SETD1B: variants seen among roughly 807,000 people sequenced by gnomAD.
SETD1B encodes SET domain containing 1B, histone lysine methyltransferase, also known as histone-lysine N-methyltransferase SETD1B.
Under a neutral mutation model 148.0 loss-of-function variants are expected in SETD1B, and 7 were observed. That is an observed-to-expected ratio of 0.05 (90% CI 0.03 to 0.09). The LOEUF is 0.09. Ranked by LOEUF, SETD1B falls within the 10% of genes least tolerant of loss-of-function variation. The pLI, the probability that SETD1B is intolerant of heterozygous loss-of-function variation, is 1.00. For missense variants in SETD1B, 2,155 were observed against 2,729.9 expected (o/e 0.79, Z 4.69); for synonymous variants, 1,361 against 1,186.5 (o/e 1.15, Z -3.02).
rs775461917 is a variant in SETD1B at position 121,830,134 on chromosome 12, C to T, written c.5796C>T (p.His1932=). 7.5e-5 allele frequency: 116 copies of T among 1,551,408 alleles called. No homozygotes were observed. Among genetic ancestry groups the T allele is most frequent in the Non-Finnish European group, 9.8e-5 (112 of 1,146,866 alleles). Residue 1932 remains histidine, a synonymous_variant, in exon 17 of 17, where the codon CAC becomes CAT. Transcript: ENST00000604567. The surrounding 1 kb of genome is among the most constrained non-coding windows in gnomAD (Gnocchi z 5.7). ...QKKIVIYSKQ[H]INVNEEITYD... The stretch of plus-strand genomic sequence containing the variant: ...AGATAGTCATCTACTCGAAGCAGCA[C>T]ATTAACGTCAATGAGGAGATTACCT...
chr12:121,816,279 C>T lies in SETD1B; in HGVS notation c.2716-754C>T, dbSNP rs115442334. 5.3e-3 allele frequency among the ~76,000 whole-genome samples: 805 copies of T among 151,900 alleles called. 16 individuals are homozygous for T. The highest frequency in any genetic ancestry group is 0.019 in the African/African-American group (775 of 41,366). On this transcript the variant is annotated intron_variant, in intron 7 of 16. Coordinates refer to ENST00000604567, the MANE Select transcript of SETD1B (RefSeq NM_001353345.2). Reference sequence around the variant, plus strand: ...CACCCCATTCCCCCCTGCTCCCCTCCCTCGACCGTGGTTATGAGTTTGAGT... The same window carrying T: ...CACCCCATTCCCCCCTGCTCCCCTCTCTCGACCGTGGTTATGAGTTTGAGT...
intron 7 of SETD1B, 30 bp downstream of exon 7, chr12:121,814,960 G>T (rs1876220594): frequency 6.6e-7 from 1 of 1,509,350 alleles, no homozygotes; most frequent in African/African-American, 1.4e-5. Flanking sequence ...GCTCTGCAGG[G>T]TGGCTGTGGA....
the SETD1B span, chr12:121,797,336 C>T: frequency 4.7e-6 from 2 of 425,596 alleles, no homozygotes; most frequent in Admixed American, 5.1e-5. Context: ...CTCTGCAAGC[C>T]CTGGGGCCCA....
upstream of SETD1B, chr12:121,800,720 G>A (rs1875302595): frequency 6.8e-6 from 1 of 148,030 alleles, no homozygotes; most frequent in African/African-American, 2.4e-5. Flanking sequence ...GCGCCCATCA[G>A]GCCGCCGCGC....
upstream of SETD1B, chr12:121,799,736 T>TGGGGGGGGGGGGGGGGGG (rs1459030938): frequency 3.2e-5 from 1 of 30,934 alleles, no homozygotes; most frequent in Non-Finnish European, 6.9e-5. Context: ...GGGGGTGGGG[T>TGGGGGGGGGGGGGGGGGG]GGGGCGGGGC....
At position 121,810,942 on chromosome 12, in the gene SETD1B, G is replaced by A. The variant is rs752922853; in HGVS notation, c.1890+107G>A. 8.2e-6 allele frequency: 11 copies of A among 1,343,536 alleles called. No homozygotes were observed. Among genetic ancestry groups the A allele is most frequent in the Non-Finnish European group, 9.9e-6 (10 of 1,009,924 alleles). The allele number at this position is 1,343,536 out of a possible 1,614,324, so 83.2% of individuals were successfully genotyped here. On this transcript the variant is annotated intron_variant, in intron 6 of 16. Transcript: ENST00000604567. This position sits in a 1 kb window ranked among gnomAD's most constrained non-coding sequence, Gnocchi z 7.6. ...ACTAGCTAAGATGCGGAAGCAATGGGGCTAGGAAAGCCAATATAACAGGTG... is the reference window on the plus strand; with the variant it reads ...ACTAGCTAAGATGCGGAAGCAATGGAGCTAGGAAAGCCAATATAACAGGTG...
chr12:121,816,676 T>C (rs1244897811), intron 7 of SETD1B, among the ~76,000 whole-genome samples: 3 of 152,168 alleles, frequency 2.0e-5, no homozygotes, highest in African/African-American at 7.2e-5. Context: ...TTTTAATGCA[T>C]GGGAAGAGAA....
intron 10 of SETD1B, among the ~76,000 whole-genome samples, chr12:121,818,289 G>A (rs1413017798): frequency 1.3e-5 from 2 of 152,134 alleles, no homozygotes; most frequent in African/African-American, 2.4e-5. Context: ...TTGGCCGGAC[G>A]CAGTGGCTTA....
At chr12:121,793,840 T>G in the SETD1B span, 3 of 464,830 alleles carry the variant, frequency 6.5e-6, no homozygotes, top group Admixed American at 1.3e-4. Context: ...GTCCCAGGGA[T>G]ACTGCAGCAC....
chr12:121,823,652 G>A lies in SETD1B; in HGVS notation c.5073G>A (p.Glu1691=), dbSNP rs2137580972. 2.6e-6 allele frequency: 4 copies of A among 1,551,616 alleles called. No homozygotes were observed. The highest frequency in any genetic ancestry group is 2.4e-5 in the East Asian group (1 of 40,920). ...LYDIWNGGID[E]EDIRFLCVTY... is the part of the protein sequence containing the mutation. ...ACATCTGGAACGGTGGCATCGATGA[G>A]GAGGACATCCGCTTCCTGTGTGTCA... The change falls in exon 12 of 17, where the codon GAG becomes GAA. Residue 1691 remains glutamate, a synonymous_variant. Transcript: ENST00000604567.
At chr12:121,791,959 G>A in the SETD1B span, among the ~76,000 whole-genome samples, 5 of 152,220 alleles carry the variant, frequency 3.3e-5, no homozygotes, top group Non-Finnish European at 2.9e-5. Context: ...GCCACGCCCC[G>A]GGAATTCCTC....
chr12:121,808,260 C>T lies in SETD1B; in HGVS notation c.597C>T (p.Pro199=). ...TGTTGGTCACTGGCCGATACACCCC[C>T]CAGACCCTCCCAGTGGGCGAGCTGG... The part of the protein sequence containing the change: ...YELLVTGRYT[P]QTLPVGELDA... Residue 199 remains proline, a synonymous_variant, in exon 5 of 17, where the codon CCC becomes CCT. Coordinates refer to ENST00000604567, the MANE Select transcript of SETD1B (RefSeq NM_001353345.2). The surrounding 1 kb of genome is among the most constrained non-coding windows in gnomAD (Gnocchi z 5.3). 2 of 1,551,310 alleles carry T rather than the reference C, an allele frequency of 1.3e-6. No individual in the cohort carries two copies. Among genetic ancestry groups the T allele is most frequent in the South Asian group, 1.2e-5 (1 of 84,028 alleles).
Position 121,804,095 on chromosome 12 carries a change from G to GGCAGCA in SETD1B, c.-150_-145dup, listed in dbSNP as rs1875566726. 6.5e-6 allele frequency: 1 copy of GGCAGCA among 153,836 alleles called. No individual in the cohort carries two copies. The highest frequency in any genetic ancestry group is 1.4e-5 in the Non-Finnish European group (1 of 69,904). The allele number at this position is 153,836 out of a possible 1,614,324, so 9.5% of individuals were successfully genotyped here. A position where few individuals can be genotyped will look rare whatever the true frequency, so the allele number is the denominator to read the frequency against. On this transcript the variant is annotated 5_prime_UTR_variant, in exon 1 of 17. Transcript: ENST00000604567. This position sits in a 1 kb window ranked among gnomAD's most constrained non-coding sequence, Gnocchi z 4.6. ...CAGCAGCAGCAGCGGCGGCGGCAGC[G>GGCAGCA]GCAGCAGCTCCGGGCCCGGCAGCCG...
intron 7 of SETD1B, among the ~76,000 whole-genome samples, chr12:121,816,743 C>T (rs1018498374): frequency 3.9e-5 from 6 of 152,196 alleles, no homozygotes; most frequent in Non-Finnish European, 5.9e-5. Context: ...ACAGATGTGT[C>T]CCTATGGTGT....
chr12:121,828,374 TTC>T (rs1209397840), intron 16 of SETD1B, among the ~76,000 whole-genome samples: 1 of 152,252 alleles, frequency 6.6e-6, no homozygotes, highest in Non-Finnish European at 1.5e-5. Context: ...CGTTAGCCTT[TTC>T]TCCGTGCCTT....
At position 121,808,397 on chromosome 12, in the gene SETD1B, C is replaced by G; in HGVS notation, c.657+77C>G. 1.1e-6 allele frequency: 1 copy of G among 944,964 alleles called. No individual in the cohort carries two copies. The highest frequency in any genetic ancestry group is 1.6e-6 in the Non-Finnish European group (1 of 615,194). The allele number at this position is 944,964 out of a possible 1,614,324, so 58.5% of individuals were successfully genotyped here. On this transcript the variant is annotated intron_variant, in intron 5 of 16. Coordinates refer to ENST00000604567, the MANE Select transcript of SETD1B (RefSeq NM_001353345.2). This position sits in a 1 kb window ranked among gnomAD's most constrained non-coding sequence, Gnocchi z 5.3. ...CCACCTCTGGAAAGCCTCACCAACT[C>G]TCTTATGGGACCCCCAGCCTACCCC...
Position 121,809,783 on chromosome 12 carries a change from G to A in SETD1B, c.838G>A (p.Gly280Ser), listed in dbSNP as rs1875925617. 6.4e-7 allele frequency: 1 copy of A among 1,551,476 alleles called. No individual in the cohort carries two copies. The highest frequency in any genetic ancestry group is 8.7e-7 in the Non-Finnish European group (1 of 1,146,972). The change falls in exon 6 of 17, where the codon GGC becomes AGC. Residue 280 changes from glycine (G) to serine (S), a missense_variant. This residue lies in a region of SETD1B where 376 missense variants were observed against 385.0 expected (regional missense o/e 0.98). Coordinates refer to ENST00000604567, the MANE Select transcript of SETD1B (RefSeq NM_001353345.2). The part of the protein sequence containing the change: ...GQGTPLTPRL[G>S]TPFSQDSSYS... ...GGGCACCCCGCTCACACCGCGCCTG[G>A]GCACCCCTTTCTCACAGGACTCCAG...
chr12:121,805,984 G>A lies in SETD1B; in HGVS notation c.423G>A (p.Lys141=). 1 of 1,551,696 alleles carries A rather than the reference G, an allele frequency of 6.4e-7. No homozygotes were observed. The highest frequency in any genetic ancestry group is 8.7e-7 in the Non-Finnish European group (1 of 1,146,986). Residue 141 remains lysine, a synonymous_variant, in exon 4 of 17, where the codon AAG becomes AAA. Coordinates refer to ENST00000604567, the MANE Select transcript of SETD1B (RefSeq NM_001353345.2). This position sits in a 1 kb window ranked among gnomAD's most constrained non-coding sequence, Gnocchi z 4.2. ...EVEILYNPKT[K]KHLGIAKVVF... The stretch of plus-strand genomic sequence containing the variant: ...AGATTTTGTACAACCCCAAGACCAA[G>A]AAGCACCTGGGCATCGCCAAGGTGG...
At chr12:121,793,637 C>T in the SETD1B span, 2 of 1,534,024 alleles carry the variant, frequency 1.3e-6, no homozygotes, top group Admixed American at 3.9e-5. Context: ...CATCCATTGC[C>T]CGGAGCCCGC....
Sources: allele counts gnomAD v4.1 joint callset (sites outside exome capture counted in the v4.1 genomes callset), GRCh38; gene constraint gnomAD v4.1.1; regional missense constraint gnomAD v4.1.1; non-coding constraint Gnocchi (gnomAD v3.1); transcripts MANE v1.5; gene names NCBI Gene and HGNC (gene_info 2026-07-23, HGNC 2026-07-21).